Variants in FAM149B1 observed in about 807,000 individuals in gnomAD.
The protein encoded by FAM149B1 is primary cilium assembly protein FAM149B1.
FAM149B1 carries 56 observed loss-of-function variants against 75.3 expected under a neutral mutation model. That is an observed-to-expected ratio of 0.74 (90% CI 0.60 to 0.93). The LOEUF is 0.93. Ranked by LOEUF, FAM149B1 falls within the 40% of genes least tolerant of loss-of-function variation. The pLI is 0.00. For missense variants in FAM149B1, 639 were observed against 708.4 expected, an observed-to-expected ratio of 0.90 and a Z score of 1.11; for synonymous variants, 259 against 256.1, an observed-to-expected ratio of 1.01 and a Z score of -0.11.
At chr10:73,235,407 C>T (rs1589195669) in intron 12 of FAM149B1, 89 bp downstream of exon 12, 2 of 1,524,954 alleles carry the variant, frequency 1.3e-6, no homozygotes, top group East Asian at 2.5e-5. Context: ...AAGATTTTAT[C>T]TAGAGGCTTA....
chr10:73,208,844 A>G, intron 6 of FAM149B1, 58 bp downstream of exon 6: 1 of 1,108,624 alleles, frequency 9.0e-7, no homozygotes, highest in Non-Finnish European at 1.2e-6. Context: ...ATTAATACCT[A>G]TTTTTTCTAA....
At position 73,243,606 on chromosome 10, in the gene FAM149B1, A is replaced by C; in HGVS notation, c.*2587A>C. On this transcript the variant is annotated 3_prime_UTR_variant, in exon 14 of 14. Transcript: ENST00000242505. ...GGTTGCCAGGGGCTGGAAAAGTGGA[A>C]TAACTACTAATGGGTATGGAGTTTT... 6.6e-7 allele frequency: 1 copy of C among 1,521,284 alleles called. No homozygotes were observed. Among genetic ancestry groups the C allele is most frequent in the Non-Finnish European group, 9.0e-7 (1 of 1,110,960 alleles). 94.2% of individuals were successfully genotyped at this position (1,521,284 alleles called of 1,614,324 possible).
chr10:73,195,607 T>G (rs2042786160), intron 5 of FAM149B1, among the ~76,000 whole-genome samples: 1 of 152,198 alleles, frequency 6.6e-6, no homozygotes, highest in Non-Finnish European at 1.5e-5. Context: ...AATTTAATCT[T>G]CAAGGAAATA....
At chr10:73,224,022 AATTAAG>A (rs1399687276) in intron 7 of FAM149B1, among the ~76,000 whole-genome samples, 1 of 152,178 alleles carries the variant, frequency 6.6e-6, no homozygotes, top group Non-Finnish European at 1.5e-5. Flanking sequence ...TGCATTCATA[AATTAAG>A]ATTATTTTAT....
chr10:73,188,856 T>G (rs2042608449), intron 3 of FAM149B1, among the ~76,000 whole-genome samples: 1 of 151,576 alleles, frequency 6.6e-6, no homozygotes, highest in African/African-American at 2.4e-5. Flanking sequence ...AATATCTGAC[T>G]TGTATCCAAA....
chr10:73,178,075 CT>C, intron 3 of FAM149B1, 100 bp downstream of exon 3: 1 of 1,185,716 alleles, frequency 8.4e-7, no homozygotes, highest in African/African-American at 1.6e-5. Context: ...TGCATTGTTT[CT>C]TTACATTTAT....
At chr10:73,237,670 C>T (rs974084898) in intron 12 of FAM149B1, among the ~76,000 whole-genome samples, 3 of 152,200 alleles carry the variant, frequency 2.0e-5, no homozygotes, top group Admixed American at 6.5e-5. Flanking sequence ...GATCCACCTA[C>T]CTTGGCCTCC....
At chr10:73,202,287 C>A (rs1280408153) in intron 5 of FAM149B1, among the ~76,000 whole-genome samples, 1 of 145,326 alleles carries the variant, frequency 6.9e-6, no homozygotes, top group Non-Finnish European at 1.5e-5. Flanking sequence ...GCTAAAATTT[C>A]TTTTAATAGT....
rs2043985254 is a variant in FAM149B1, at chr10:73,244,466, A to C, written c.*3447A>C. On this transcript the variant is annotated 3_prime_UTR_variant, in exon 14 of 14. Transcript: ENST00000242505. ...AGCTGTGATCATGCCTCTGCACTCC[A>C]GCCTGGGTGATGGAGATGCCATCTC... is the stretch of plus-strand genomic sequence containing the variant. 6.6e-6 allele frequency: 1 copy of C among 151,682 alleles called. No individual in the cohort carries two copies. The highest frequency in any genetic ancestry group is 1.5e-5 in the Non-Finnish European group (1 of 67,970). The allele number at this position is 151,682 out of a possible 1,614,324, so 9.4% of individuals were successfully genotyped here. A position where few individuals can be genotyped will look rare whatever the true frequency, so the allele number is the denominator to read the frequency against.
At chr10:73,223,004 T>G (rs1021631128) in intron 7 of FAM149B1, among the ~76,000 whole-genome samples, 2 of 152,148 alleles carry the variant, frequency 1.3e-5, no homozygotes, top group Non-Finnish European at 2.9e-5. Flanking sequence ...CCTGTAGTCC[T>G]AGCTACTCAG....
intron 3 of FAM149B1, among the ~76,000 whole-genome samples, chr10:73,187,370 AT>A (rs1258323185): frequency 2.7e-5 from 4 of 148,752 alleles, no homozygotes; most frequent in African/African-American, 1.0e-4. Context: ...TGTATATGCA[AT>A]TGCAAAGGAT....
At position 73,242,572 on chromosome 10, in the gene FAM149B1, A is replaced by C. The variant is rs189788295; in HGVS notation, c.*1553A>C. 2.8e-4 allele frequency: 43 copies of C among 152,288 alleles called. No individual in the cohort carries two copies. Among genetic ancestry groups the C allele is most frequent in the African/African-American group, 8.7e-4 (36 of 41,548 alleles). The allele number at this position is 152,288 out of a possible 1,614,324, so 9.4% of individuals were successfully genotyped here. A position where few individuals can be genotyped will look rare whatever the true frequency, so the allele number is the denominator to read the frequency against. Reference sequence around the variant, plus strand: ...TGGATTTCACTCTTTGTTTTGATGTAGTAACTCTTTTATAAAAGGGAACAG... The same window carrying C: ...TGGATTTCACTCTTTGTTTTGATGTCGTAACTCTTTTATAAAAGGGAACAG... On this transcript the variant is annotated 3_prime_UTR_variant, in exon 14 of 14. Transcript: ENST00000242505.
intron 4 of FAM149B1, 88 bp downstream of exon 4, chr10:73,192,786 C>A (rs1375308123): frequency 3.3e-6 from 4 of 1,215,736 alleles, no homozygotes; most frequent in Admixed American, 3.4e-5. Flanking sequence ...ATTCTGAAAT[C>A]TTTATGAGCA....
chr10:73,192,370 G>A (rs926877074), intron 3 of FAM149B1, 186 bp from the exon 4 acceptor site: 2 of 591,934 alleles, frequency 3.4e-6, no homozygotes, highest in African/African-American at 3.8e-5. Flanking sequence ...TATGAATGGA[G>A]AAGATACCTG....
chr10:73,228,908 T>TA (rs1242951665), intron 8 of FAM149B1, among the ~76,000 whole-genome samples: 2 of 152,134 alleles, frequency 1.3e-5, no homozygotes, highest in African/African-American at 4.8e-5. Context: ...CCCTGTTTGT[T>TA]TTTTAGAGAG....
intron 12 of FAM149B1, 33 bp downstream of exon 12, chr10:73,235,351 T>C (rs769567688): frequency 2.6e-6 from 4 of 1,550,214 alleles, no homozygotes; most frequent in Non-Finnish European, 3.5e-6. Context: ...ATGGTCTTGA[T>C]AGTTGGGGAA....
intron 3 of FAM149B1, among the ~76,000 whole-genome samples, chr10:73,185,701 G>C (rs1339942487): frequency 6.6e-6 from 1 of 152,102 alleles, no homozygotes; most frequent in African/African-American, 2.4e-5. Flanking sequence ...TTCATTCTAT[G>C]AGACCAGTAT....
At chr10:73,205,104 G>A (rs71471614) in intron 5 of FAM149B1, among the ~76,000 whole-genome samples, 4 of 150,048 alleles carry the variant, frequency 2.7e-5, no homozygotes, top group East Asian at 2.0e-4. Flanking sequence ...TGAGCCACCC[G>A]CCTGGCCAAT....
intron 1 of FAM149B1, among the ~76,000 whole-genome samples, chr10:73,171,646 TGA>T (rs1843723315): frequency 7.0e-6 from 1 of 142,930 alleles, no homozygotes; most frequent in Non-Finnish European, 1.5e-5. Flanking sequence ...TTTTTTTTTT[TGA>T]GACAGAGTCT....
Sources: gnomAD v4.1 joint callset for allele counts (sites outside exome capture counted in the v4.1 genomes callset) on GRCh38, gnomAD v4.1.1 for gene constraint, MANE v1.5 for transcripts, NCBI Gene and HGNC (gene_info 2026-07-23, HGNC 2026-07-21) for gene names.